The following RALYL variants were observed in gnomAD, a reference collection of about 807,000 sequenced individuals.
RALYL encodes RALY RNA binding protein like.
RALYL carries 29 observed loss-of-function variants against 35.1 expected under a neutral mutation model. The ratio of observed to expected loss-of-function variants is 0.83; its 90% CI spans 0.61 to 1.13. The LOEUF (loss-of-function observed/expected upper bound fraction) is 1.13, where lower values mean the gene tolerates loss of function less well. RALYL is among the 50% of genes most tolerant of loss of function. RALYL has a pLI of 0.00. For missense variants in RALYL, 359 were observed against 360.4 expected, an observed-to-expected ratio of 1.00 and a Z score of 0.03; for synonymous variants, 120 against 127.6, an observed-to-expected ratio of 0.94 and a Z score of 0.40.
chr8:84,585,986 G>A (rs909519185), intron 2 of RALYL, among the ~76,000 whole-genome samples: 2 of 152,080 alleles, frequency 1.3e-5, no homozygotes, highest in African/African-American at 4.8e-5. Flanking sequence ...CATGAGGTCA[G>A]GAGTGCAAGA....
At chr8:84,679,030 TG>T in intron 2 of RALYL, 1 of 345,946 alleles carries the variant, frequency 2.9e-6, no homozygotes, top group Non-Finnish European at 5.8e-6. Context: ...ACCAGCACTC[TG>T]GGATTTGGCT....
At chr8:84,515,098 T>C (rs1278487085) in intron 1 of RALYL, among the ~76,000 whole-genome samples, 1 of 152,202 alleles carries the variant, frequency 6.6e-6, no homozygotes, top group East Asian at 1.9e-4. Context: ...TTTTTCTGTA[T>C]AAATCTCTGC....
intron 2 of RALYL, among the ~76,000 whole-genome samples, chr8:84,572,368 G>C (rs1460047344): frequency 6.6e-6 from 1 of 151,472 alleles, no homozygotes; most frequent in Admixed American, 6.6e-5. Context: ...AGTTTCATTT[G>C]TGTAATTACT....
chr8:84,487,535 A>T (rs965449724), intron 1 of RALYL, among the ~76,000 whole-genome samples: 1 of 152,110 alleles, frequency 6.6e-6, no homozygotes, highest in Non-Finnish European at 1.5e-5. Flanking sequence ...CCAGTTTTTA[A>T]ATATATGATA....
chr8:84,356,266 A>G (rs1332453346), intron 1 of RALYL, among the ~76,000 whole-genome samples: 1 of 150,386 alleles, frequency 6.6e-6, no homozygotes, highest in Non-Finnish European at 1.5e-5. Flanking sequence ...ACCAGGTTTG[A>G]AGGTAGGATA....
chr8:84,384,901 G>A (rs553612398), intron 1 of RALYL, among the ~76,000 whole-genome samples: 11 of 151,836 alleles, frequency 7.2e-5, no homozygotes, highest in Non-Finnish European at 1.6e-4. Flanking sequence ...TATTTTTAAG[G>A]CTACCTATGC....
At chr8:84,731,764 G>A (rs1441544126) in intron 2 of RALYL, among the ~76,000 whole-genome samples, 1 of 152,030 alleles carries the variant, frequency 6.6e-6, no homozygotes, top group East Asian at 1.9e-4. Flanking sequence ...AAATAGTAAT[G>A]TAAAAAAACT....
Position 84,347,781 on chromosome 8 carries a change from G to T in RALYL, c.-24+163357G>T, listed in dbSNP as rs149993414. On this transcript the variant is annotated intron_variant, in intron 1 of 8. Coordinates refer to ENST00000521268, the MANE Select transcript of RALYL (RefSeq NM_173848.7). ...ATGAAAAACTCCAGCCTCTGCACAG[G>T]ATTAGCATCAGCAGCTTTGCCTCTT... Among the ~76,000 whole-genome samples the T allele has an allele frequency of 4.7e-3, 717 of 152,176 alleles. 6 individuals are homozygous for T. The highest frequency in any genetic ancestry group is 0.039 in the South Asian group (189 of 4,826).
chr8:84,556,528 C>A (rs940361023), intron 2 of RALYL, among the ~76,000 whole-genome samples: 1 of 152,144 alleles, frequency 6.6e-6, no homozygotes, highest in Non-Finnish European at 1.5e-5. Flanking sequence ...AACAAAAACA[C>A]ATCTTTATTA....
At chr8:84,683,070 T>C (rs1835942659) in intron 2 of RALYL, among the ~76,000 whole-genome samples, 3 of 152,336 alleles carry the variant, frequency 2.0e-5, no homozygotes, top group African/African-American at 2.4e-5. Flanking sequence ...TCAAACACCA[T>C]CTTTATCTCT....
chr8:84,483,983 T>G (rs1349509533), intron 1 of RALYL, among the ~76,000 whole-genome samples: 1 of 152,160 alleles, frequency 6.6e-6, no homozygotes, highest in Non-Finnish European at 1.5e-5. Flanking sequence ...TTTTAATGTT[T>G]CTTAAATTAA....
intron 1 of RALYL, among the ~76,000 whole-genome samples, chr8:84,518,256 G>A (rs909828135): frequency 6.6e-6 from 1 of 152,042 alleles, no homozygotes; most frequent in African/African-American, 2.4e-5. Flanking sequence ...GCTTTTATTA[G>A]AGAAAAAGCA....
intron 2 of RALYL, among the ~76,000 whole-genome samples, chr8:84,716,291 A>G (rs1172426853): frequency 6.6e-6 from 1 of 152,170 alleles, no homozygotes; most frequent in African/African-American, 2.4e-5. Context: ...CGTTTGTTTT[A>G]AGACAACTAT....
In RALYL at chr8:84,232,259, T is replaced by A. The variant is rs527552807; in HGVS notation, c.-24+47835T>A. 6.6e-5 allele frequency among the ~76,000 whole-genome samples: 10 copies of A among 152,130 alleles called. No individual in the cohort carries two copies. The South Asian group carries it at 1.9e-3, about 28-fold the overall frequency. ...AGACAAATTTGACTATATAAAAACT[T>A]CCAACTTCTCTGCTATGAAATAACA... On this transcript the variant is annotated intron_variant, in intron 1 of 8. Coordinates refer to ENST00000521268, the MANE Select transcript of RALYL (RefSeq NM_173848.7).
chr8:84,668,778 G>A (rs1195526313), intron 2 of RALYL, among the ~76,000 whole-genome samples: 1 of 152,020 alleles, frequency 6.6e-6, no homozygotes, highest in Non-Finnish European at 1.5e-5. Flanking sequence ...CCAAAGTAGG[G>A]TAGTTAGAGC....
At chr8:84,727,923 G>T (rs1028748170) in intron 2 of RALYL, among the ~76,000 whole-genome samples, 2 of 152,008 alleles carry the variant, frequency 1.3e-5, no homozygotes, top group African/African-American at 4.8e-5. Flanking sequence ...GAATAGTGCT[G>T]CAATAAACAT....
intron 1 of RALYL, among the ~76,000 whole-genome samples, chr8:84,186,958 A>AT (rs1451958189): frequency 1.3e-5 from 2 of 152,128 alleles, no homozygotes; most frequent in East Asian, 3.9e-4. Context: ...GAAAAAATGT[A>AT]TTTTTTCATT....
At chr8:84,813,070 G>A (rs1281303015) in intron 4 of RALYL, among the ~76,000 whole-genome samples, 2 of 152,170 alleles carry the variant, frequency 1.3e-5, no homozygotes, top group Non-Finnish European at 2.9e-5. Flanking sequence ...TGAAGACCCA[G>A]CGAGCTCCCG....
intron 3 of RALYL, among the ~76,000 whole-genome samples, chr8:84,774,871 C>T (rs535983747): frequency 1.3e-5 from 2 of 152,284 alleles, no homozygotes; most frequent in East Asian, 1.9e-4. Context: ...AACCCTTCTA[C>T]GAGATACTTA....
Sources: allele counts gnomAD v4.1 joint callset (sites outside exome capture counted in the v4.1 genomes callset), GRCh38; gene constraint gnomAD v4.1.1; transcripts MANE v1.5; gene names NCBI Gene and HGNC (gene_info 2026-07-23, HGNC 2026-07-21).